CSRP1: variants seen among roughly 807,000 people sequenced by gnomAD.
CSRP1 encodes the protein cysteine and glycine-rich protein 1.
Under a neutral mutation model 25.4 loss-of-function variants are expected in CSRP1, and 16 were observed. The observed-to-expected ratio is 0.63, with a 90% CI of 0.43 to 0.96. The LOEUF (loss-of-function observed/expected upper bound fraction) is 0.96, where lower values mean the gene tolerates loss of function less well. CSRP1 is among the 40% of genes least tolerant of loss of function. The pLI, the probability that CSRP1 is intolerant of heterozygous loss-of-function variation, is 0.00. For missense variants in CSRP1, 212 were observed against 243.6 expected (o/e 0.87, Z 0.86); for synonymous variants, 97 against 95.3 (o/e 1.02, Z -0.10).
chr1:201,506,026 C>A (rs983218978), intron 1 of CSRP1, among the ~76,000 whole-genome samples: 7 of 152,164 alleles, frequency 4.6e-5, no homozygotes, highest in Non-Finnish European at 1.0e-4. Flanking sequence ...AAGTAGCATC[C>A]CTGAAAGAAA....
At chr1:201,487,148 A>C in intron 4 of CSRP1, 1 of 469,454 alleles carries the variant, frequency 2.1e-6, no homozygotes, top group Non-Finnish European at 3.7e-6. Flanking sequence ...GTGGTAGCTC[A>C]CACCTGTAAT....
In CSRP1 at chr1:201,484,770, G is replaced by A. The variant is rs565400818; in HGVS notation, c.525C>T (p.Phe175=). ...IYCKGCYAKN[F]GPKGFGFGQG... ...GCCCAAAACCAAAGCCCTTGGGCCC[G>A]AAGTTTTTAGCATAACATCCTGCAG... The change falls in exon 6 of 6, where the codon TTC becomes TTT. Residue 175 remains phenylalanine (F), a synonymous_variant. Transcript: ENST00000340006. 89 of 1,611,716 alleles carry A rather than the reference G, an allele frequency of 5.5e-5. 1 individual carries two copies. The South Asian group carries it at 8.0e-4, about 14-fold the overall frequency.
At chr1:201,497,680 T>C (rs902840431) in intron 1 of CSRP1, among the ~76,000 whole-genome samples, 1 of 152,132 alleles carries the variant, frequency 6.6e-6, no homozygotes. Context: ...TTGGGCAAGA[T>C]AGTCAGTCTT....
At chr1:201,496,094 T>C (rs1434582910) in intron 2 of CSRP1, 98 bp downstream of exon 2, 2 of 864,054 alleles carry the variant, frequency 2.3e-6, no homozygotes, top group Non-Finnish European at 1.9e-6. Flanking sequence ...TTACATCCCA[T>C]GGGATCAGTT....
At chr1:201,486,574 G>A in intron 4 of CSRP1, 2 of 990,984 alleles carry the variant, frequency 2.0e-6, no homozygotes, top group Non-Finnish European at 2.4e-6. Flanking sequence ...CCCAGCCTTT[G>A]CTGCCTCCTC....
intron 4 of CSRP1, chr1:201,487,362 C>T (rs1664182427): frequency 6.5e-6 from 1 of 154,892 alleles, no homozygotes; most frequent in Non-Finnish European, 1.4e-5. Context: ...TAAGATCGCG[C>T]CACTGTACTC....
intron 1 of CSRP1, among the ~76,000 whole-genome samples, chr1:201,498,816 C>G (rs1350031510): frequency 6.6e-6 from 1 of 152,186 alleles, no homozygotes. Flanking sequence ...AGCCTGGCTC[C>G]TAGTGGAGGT....
intron 2 of CSRP1, chr1:201,492,012 A>G (rs955638320): frequency 1.3e-5 from 2 of 152,258 alleles, no homozygotes; most frequent in African/African-American, 2.4e-5. Context: ...CCATCCAAAT[A>G]TGGAACTTCC....
intron 4 of CSRP1, chr1:201,488,614 C>T (rs1664226363): frequency 2.6e-6 from 1 of 385,212 alleles, no homozygotes; most frequent in Non-Finnish European, 4.8e-6. Flanking sequence ...TGATCATTGC[C>T]ACTCCCTATG....
intron 1 of CSRP1, among the ~76,000 whole-genome samples, chr1:201,505,513 CTT>C (rs751268711): frequency 2.6e-5 from 4 of 151,808 alleles, no homozygotes; most frequent in African/African-American, 9.7e-5. Context: ...CCTGCTTCTT[CTT>C]CCCCATACCC....
rs1423078707 is a variant in CSRP1 at position 201,483,922 on chromosome 1, G to A, written c.*791C>T. 4 of 663,286 alleles carry A rather than the reference G, an allele frequency of 6.0e-6. No homozygotes were observed. Among genetic ancestry groups the A allele is most frequent in the Non-Finnish European group, 8.5e-6 (3 of 354,940 alleles). The allele number at this position is 663,286 out of a possible 1,614,324, so 41.1% of individuals were successfully genotyped here. ...TGCTGGCCGCAGCCTCAGGAGCCAG[G>A]GTTAAGGCCAGAGATAAATGAAGAT... On this transcript the variant is annotated 3_prime_UTR_variant, in exon 6 of 6. Coordinates refer to ENST00000340006, the MANE Select transcript of CSRP1 (RefSeq NM_004078.3).
In CSRP1 at chr1:201,497,649, C is replaced by A. The variant is rs527957687; in HGVS notation, c.-1-1345G>T. Among the ~76,000 whole-genome samples the A allele has an allele frequency of 2.0e-4, 31 of 152,266 alleles. 1 individual carries two copies. The highest frequency in any genetic ancestry group is 4.0e-4 in the Non-Finnish European group (27 of 68,014). ...CAGGTTTGGCTCAATCTTGATCCTGCCACTCATTAGCTGTGTGACCTTGGG... is the reference window on the plus strand; with the variant it reads ...CAGGTTTGGCTCAATCTTGATCCTGACACTCATTAGCTGTGTGACCTTGGG... On this transcript the variant is annotated intron_variant, in intron 1 of 5. Coordinates refer to ENST00000340006, the MANE Select transcript of CSRP1 (RefSeq NM_004078.3).
chr1:201,498,416 C>CA (rs536390597), intron 1 of CSRP1, among the ~76,000 whole-genome samples: 207 of 152,266 alleles, frequency 1.4e-3, no homozygotes, highest in African/African-American at 4.9e-3. Context: ...GGCTGGGAGT[C>CA]AGAGGGATCT....
Position 201,490,151 on chromosome 1 carries a change from G to A in CSRP1, c.281+25C>T, listed in dbSNP as rs771479031. The A allele has an allele frequency of 5.6e-6, 9 of 1,602,954 alleles. No homozygotes were observed. In the South Asian group the frequency reaches 9.9e-5, roughly 18 times the overall value. Reference sequence around the variant, plus strand: ...GGTGGGGGAGAGAGCTCAAGAAAAAGGTTGGGAGGGGATCTTTTACTCACT... The same window carrying A: ...GGTGGGGGAGAGAGCTCAAGAAAAAAGTTGGGAGGGGATCTTTTACTCACT... On this transcript the variant is annotated intron_variant, in intron 3 of 5. Coordinates refer to ENST00000340006, the MANE Select transcript of CSRP1 (RefSeq NM_004078.3).
At chr1:201,490,107 C>T in intron 3 of CSRP1, 69 bp downstream of exon 3, 2 of 1,487,376 alleles carry the variant, frequency 1.3e-6, no homozygotes, top group African/African-American at 1.4e-5. Context: ...GTTGTAAATA[C>T]ACATGAGGCC....
intron 1 of CSRP1, among the ~76,000 whole-genome samples, chr1:201,505,374 A>C (rs956936766): frequency 1.4e-4 from 22 of 152,210 alleles, no homozygotes; most frequent in African/African-American, 4.8e-4. Context: ...CAATTAAAAG[A>C]GCAAACACCT....
intron 4 of CSRP1, 39 bp from the exon 5 acceptor site, chr1:201,485,415 G>A (rs1571771974): frequency 6.3e-7 from 1 of 1,581,846 alleles, no homozygotes; most frequent in East Asian, 2.2e-5. Flanking sequence ...TGCCACCAGT[G>A]ATGAGGGTAC....
chr1:201,487,577 C>G (rs537587919), intron 4 of CSRP1: 1 of 152,386 alleles, frequency 6.6e-6, no homozygotes, highest in South Asian at 2.1e-4. Context: ...AATGGCAAAA[C>G]TAGGATTCAA....
intron 3 of CSRP1, chr1:201,489,974 C>A: frequency 1.9e-6 from 1 of 532,522 alleles, no homozygotes; most frequent in South Asian, 3.2e-5. Flanking sequence ...CAGGGAGGAG[C>A]CCAGCCTGTT....
Sources: gnomAD v4.1 joint callset for allele counts (sites outside exome capture counted in the v4.1 genomes callset) on GRCh38, gnomAD v4.1.1 for gene constraint, MANE v1.5 for transcripts, NCBI Gene and HGNC (gene_info 2026-07-23, HGNC 2026-07-21) for gene names.